EDA: variants seen among roughly 807,000 people sequenced by gnomAD.
The protein encoded by EDA is ectodysplasin-A.
In EDA, 2 loss-of-function variants were observed where a neutral mutation model predicts 23.6. The observed-to-expected ratio is 0.08, with a 90% confidence interval of 0.03 to 0.27. The LOEUF (loss-of-function observed/expected upper bound fraction) is 0.27, where lower values mean the gene tolerates loss of function less well. Among genes scored for constraint, EDA ranks in the 10% least tolerant of loss-of-function variants. EDA has a pLI of 1.00. For synonymous variants in EDA, 131 were observed against 132.0 expected (o/e 0.99, Z 0.05); for missense variants, 229 against 324.2 (o/e 0.71, Z 2.26).
intron 2 of EDA, among the ~76,000 whole-genome samples, chrX:70,015,633 A>T (rs761299880): frequency 1.8e-5 from 2 of 111,846 alleles, no homozygotes; most frequent in African/African-American, 6.5e-5. Context: ...ACTAAGCTTC[A>T]TAAGCAGAGG....
In EDA at chrX:69,887,798, T is replaced by C. The variant is rs141631820; in HGVS notation, c.397-69229T>C. Among the ~76,000 whole-genome samples, 406 of 111,337 alleles carry C rather than the reference T, an allele frequency of 3.6e-3. 1 individual carries two copies. Among genetic ancestry groups the C allele is most frequent in the African/African-American group, 0.013 (388 of 30,689 alleles). On this transcript the variant is annotated intron_variant, in intron 1 of 7. Transcript: ENST00000374552. ...ACAAAGTGCTGAAAGAAAAGGAAAC[T>C]ACCAACTAGGAATATTATACCTGGC... is the stretch of plus-strand genomic sequence containing the variant.
At chrX:69,742,764 C>T (rs1338892681) in intron 1 of EDA, among the ~76,000 whole-genome samples, 1 of 110,720 alleles carries the variant, frequency 9.0e-6, no homozygotes, top group Non-Finnish European at 1.9e-5. Flanking sequence ...TTGCCTGTGG[C>T]CTGGATAGTA....
intron 1 of EDA, among the ~76,000 whole-genome samples, chrX:69,661,283 C>G (rs1278058768): frequency 1.3e-5 from 1 of 79,087 alleles, no homozygotes; most frequent in Admixed American, 1.5e-4. Context: ...AAATTTTCTC[C>G]CACTCTGTAG....
At chrX:69,762,756 G>T (rs916876845) in intron 1 of EDA, among the ~76,000 whole-genome samples, 3 of 111,967 alleles carry the variant, frequency 2.7e-5, no homozygotes, top group African/African-American at 9.7e-5. Flanking sequence ...CTTCACACTC[G>T]ATTGAAGTAT....
intron 1 of EDA, among the ~76,000 whole-genome samples, chrX:69,758,695 G>T (rs1026611029): frequency 4.5e-5 from 5 of 112,041 alleles, no homozygotes; most frequent in African/African-American, 9.7e-5. Flanking sequence ...AATTAGCTGG[G>T]TGTGGTGGCA....
chrX:69,977,296 A>G (rs759868446), intron 2 of EDA, among the ~76,000 whole-genome samples: 2 of 111,790 alleles, frequency 1.8e-5, no homozygotes, highest in African/African-American at 6.5e-5. Flanking sequence ...AAAGTCCATT[A>G]TCATTTTTCT....
intron 1 of EDA, among the ~76,000 whole-genome samples, chrX:69,722,660 A>T (rs1161155370): frequency 9.0e-6 from 1 of 111,221 alleles, no homozygotes; most frequent in Non-Finnish European, 1.9e-5. Flanking sequence ...CAGGCTCATG[A>T]CACTCTTGTA....
intron 5 of EDA, 42 bp from the exon 6 acceptor site, chrX:70,030,427 A>G: frequency 8.8e-7 from 1 of 1,136,724 alleles, no homozygotes; most frequent in Non-Finnish European, 1.2e-6. Flanking sequence ...GCAAGCAGCC[A>G]TTACTCATAG....
At chrX:69,897,385 A>T in intron 1 of EDA, among the ~76,000 whole-genome samples, 1 of 111,920 alleles carries the variant, frequency 8.9e-6, no homozygotes. Flanking sequence ...AATCTTCTCC[A>T]TTCGCCTTTT....
At chrX:69,828,502 G>A (rs1019115527) in intron 1 of EDA, among the ~76,000 whole-genome samples, 1 of 111,916 alleles carries the variant, frequency 8.9e-6, no homozygotes, top group Non-Finnish European at 1.9e-5. Context: ...ACTAGGAAAG[G>A]GAACTCCCTG....
intron 1 of EDA, among the ~76,000 whole-genome samples, chrX:69,662,663 A>G (rs923141468): frequency 8.9e-6 from 1 of 112,491 alleles, no homozygotes; most frequent in African/African-American, 3.2e-5. Flanking sequence ...TATCAGGCAG[A>G]GGTTGGAACA....
chrX:69,825,808 T>C (rs1284819531), intron 1 of EDA, among the ~76,000 whole-genome samples: 1 of 111,724 alleles, frequency 9.0e-6, no homozygotes, highest in Non-Finnish European at 1.9e-5. Flanking sequence ...CAATTCTGAA[T>C]CTTTCCTGCT....
chrX:69,822,804 G>A (rs767720542), intron 1 of EDA, among the ~76,000 whole-genome samples: 152 of 105,885 alleles, frequency 1.4e-3, no homozygotes, highest in African/African-American at 3.6e-3. Flanking sequence ...CCACTAACTC[G>A]TCATCCAGCA....
chrX:69,654,956 A>C (rs1302798063), intron 1 of EDA, among the ~76,000 whole-genome samples: 2 of 110,455 alleles, frequency 1.8e-5, no homozygotes, highest in African/African-American at 6.6e-5. Context: ...ATAACAATAC[A>C]ATTAAAAAAA....
intron 1 of EDA, among the ~76,000 whole-genome samples, chrX:69,933,566 A>C (rs773357951): frequency 6.3e-5 from 7 of 110,519 alleles, no homozygotes; most frequent in Non-Finnish European, 1.1e-4. Flanking sequence ...AATCCCAGAT[A>C]CTCAGGAGGC....
intron 1 of EDA, among the ~76,000 whole-genome samples, chrX:69,676,516 G>A (rs1035340471): frequency 9.2e-6 from 1 of 108,125 alleles, no homozygotes; most frequent in Non-Finnish European, 1.9e-5. Context: ...GCGCGCACGT[G>A]TGCTTGTGTG....
chrX:69,697,976 G>T (rs1400729854), intron 1 of EDA, among the ~76,000 whole-genome samples: 1 of 111,882 alleles, frequency 8.9e-6, no homozygotes, highest in Admixed American at 9.5e-5. Context: ...TTTTGTTGTT[G>T]CGGGAGCATT....
chrX:69,718,253 T>G (rs1287759860), intron 1 of EDA, among the ~76,000 whole-genome samples: 8 of 111,937 alleles, frequency 7.1e-5, no homozygotes, highest in Non-Finnish European at 1.1e-4. Context: ...CAAACAAAGA[T>G]AGTTTTCTTT....
chrX:69,830,813 A>T (rs1030188097), intron 1 of EDA, among the ~76,000 whole-genome samples: 1 of 111,735 alleles, frequency 8.9e-6, no homozygotes, highest in Non-Finnish European at 1.9e-5. Context: ...TGAGACCTTG[A>T]ATGCTTAAGT....
Sources: gnomAD v4.1 joint callset for allele counts (sites outside exome capture counted in the v4.1 genomes callset) on GRCh38, gnomAD v4.1.1 for gene constraint, MANE v1.5 for transcripts, NCBI Gene and HGNC (gene_info 2026-07-23, HGNC 2026-07-21) for gene names.